The following SSBP3 variants were observed in gnomAD, a reference collection of about 807,000 sequenced individuals.
SSBP3 encodes single-stranded DNA-binding protein 3.
Under a neutral mutation model 69.6 loss-of-function variants are expected in SSBP3, and 5 were observed. The ratio of observed to expected loss-of-function variants is 0.07; its 90% CI spans 0.04 to 0.15. The LOEUF (loss-of-function observed/expected upper bound fraction) is 0.15. Ranked by LOEUF, SSBP3 falls within the 10% of genes least tolerant of loss-of-function variation. The probability of loss-of-function intolerance (pLI) is 1.00; values close to 1 mark genes in which losing one functional copy is unlikely to be tolerated. For synonymous variants in SSBP3, 196 were observed against 193.4 expected, an observed-to-expected ratio of 1.01 and a Z score of -0.11; for missense variants, 312 against 534.0, an observed-to-expected ratio of 0.58 and a Z score of 4.10.
At chr1:54,347,670 T>A (rs1430442868) in intron 4 of SSBP3, among the ~76,000 whole-genome samples, 2 of 152,188 alleles carry the variant, frequency 1.3e-5, no homozygotes, top group Admixed American at 6.5e-5. Flanking sequence ...ATGACTGGTA[T>A]CCATATGAAA....
Position 54,258,141 on chromosome 1 carries a change from C to G in SSBP3, c.375G>C (p.Pro125=), listed in dbSNP as rs561861532. The G allele has an allele frequency of 2.4e-4, 378 of 1,591,220 alleles. 1 individual carries two copies. The Admixed American group carries it at 2.5e-3, about 11-fold the overall frequency. ...GTGCGTGCGGCGAGGGCTGTGACCC[C>G]GGAGGACCCTGTGAGGCCAGACAGT... Residue 125 remains proline (P), a synonymous_variant, in exon 6 of 18, where the codon CCG becomes CCC. Transcript: ENST00000610401. The surrounding 1 kb of genome is among the most constrained non-coding windows in gnomAD (Gnocchi z 4.5).
intron 4 of SSBP3, among the ~76,000 whole-genome samples, chr1:54,398,563 T>C (rs562915083): frequency 2.0e-5 from 3 of 152,294 alleles, no homozygotes; most frequent in Admixed American, 1.3e-4. Context: ...CAGCTGAAAG[T>C]GTCCACTCTA....
chr1:54,371,496 C>T (rs944948647), intron 4 of SSBP3, among the ~76,000 whole-genome samples: 4 of 152,166 alleles, frequency 2.6e-5, no homozygotes, highest in African/African-American at 4.8e-5. Flanking sequence ...TACTGTGACA[C>T]GGGCACAGGA....
chr1:54,232,181 T>C (rs986699926), intron 14 of SSBP3, among the ~76,000 whole-genome samples: 9 of 152,104 alleles, frequency 5.9e-5, no homozygotes, highest in Non-Finnish European at 1.3e-4. Flanking sequence ...AATTAGGAGG[T>C]GGACTAGTTA....
intron 1 of SSBP3, among the ~76,000 whole-genome samples, 199 bp from the exon 2 acceptor site, chr1:54,405,129 C>T (rs969660070): frequency 6.6e-6 from 1 of 152,174 alleles, no homozygotes; most frequent in Admixed American, 6.5e-5. Context: ...GAACGCGTTA[C>T]CTCAAGCGGT....
intron 4 of SSBP3, among the ~76,000 whole-genome samples, chr1:54,284,462 T>TA (rs554362422): frequency 1.3e-4 from 19 of 149,736 alleles, no homozygotes; most frequent in East Asian, 9.7e-4. Flanking sequence ...AGTTATAATT[T>TA]AAAAAAAAAA....
intron 4 of SSBP3, among the ~76,000 whole-genome samples, chr1:54,350,723 C>A (rs1646768340): frequency 6.6e-6 from 1 of 152,168 alleles, no homozygotes; most frequent in African/African-American, 2.4e-5. Flanking sequence ...GCCCTGGGGG[C>A]AGCAGCAGCC....
chr1:54,269,564 G>C (rs917393072), intron 5 of SSBP3, among the ~76,000 whole-genome samples: 1 of 152,230 alleles, frequency 6.6e-6, no homozygotes, highest in Non-Finnish European at 1.5e-5. Flanking sequence ...AACTTAGCTA[G>C]ATACGCATGT....
At chr1:54,390,067 C>T (rs1391516718) in intron 4 of SSBP3, among the ~76,000 whole-genome samples, 2 of 152,074 alleles carry the variant, frequency 1.3e-5, no homozygotes, top group Non-Finnish European at 2.9e-5. Context: ...GCCTGGCATA[C>T]GGTTAGCACT....
upstream of SSBP3, among the ~76,000 whole-genome samples, chr1:54,409,134 C>A (rs1012544245): frequency 2.6e-5 from 4 of 152,188 alleles, no homozygotes; most frequent in Non-Finnish European, 5.9e-5. Context: ...TACCTTTCCC[C>A]TCTGGATCCC....
intron 4 of SSBP3, among the ~76,000 whole-genome samples, chr1:54,322,031 G>C (rs1413016163): frequency 6.6e-6 from 1 of 152,170 alleles, no homozygotes; most frequent in Non-Finnish European, 1.5e-5. Flanking sequence ...AAAATGAATA[G>C]GTCTACCAGA....
intron 4 of SSBP3, among the ~76,000 whole-genome samples, chr1:54,312,236 T>C (rs1646016308): frequency 1.3e-5 from 2 of 150,412 alleles, no homozygotes; most frequent in African/African-American, 4.9e-5. Flanking sequence ...TACAGTGAGA[T>C]ATGGATCGCA....
At chr1:54,275,816 T>C (rs758162100) in intron 5 of SSBP3, among the ~76,000 whole-genome samples, 6 of 152,152 alleles carry the variant, frequency 3.9e-5, no homozygotes, top group Non-Finnish European at 8.8e-5. Flanking sequence ...AGGTTCTCCG[T>C]AACAGAACTT....
intron 5 of SSBP3, among the ~76,000 whole-genome samples, chr1:54,272,131 T>C (rs1645203878): frequency 6.6e-6 from 1 of 152,146 alleles, no homozygotes; most frequent in Admixed American, 6.5e-5. Context: ...CCTAGGAGCT[T>C]CATGGATTCT....
At chr1:54,388,670 C>A (rs1451488342) in intron 4 of SSBP3, among the ~76,000 whole-genome samples, 1 of 152,166 alleles carries the variant, frequency 6.6e-6, no homozygotes, top group African/African-American at 2.4e-5. Flanking sequence ...GGGACCCCTG[C>A]CTTGGGATAT....
At chr1:54,268,320 G>A (rs955760749) in intron 5 of SSBP3, among the ~76,000 whole-genome samples, 3 of 152,152 alleles carry the variant, frequency 2.0e-5, no homozygotes, top group African/African-American at 7.2e-5. Flanking sequence ...GCCACCGCTC[G>A]CCAGCGCTCA....
chr1:54,270,625 G>C lies in SSBP3; in HGVS notation c.366+10813C>G, dbSNP rs545595341. 4.6e-5 allele frequency among the ~76,000 whole-genome samples: 7 copies of C among 152,302 alleles called. No homozygotes were observed. The South Asian group carries it at 8.3e-4, about 18-fold the overall frequency. The stretch of plus-strand genomic sequence containing the variant: ...CCCCTAAGACTCCCTCCTGGAAAGA[G>C]GAGAAACCCTGAGGCAGCTCTTGTT... On this transcript the variant is annotated intron_variant, in intron 5 of 17. Transcript: ENST00000610401.
chr1:54,239,154 A>G (rs1644558721), exon 14 of SSBP3: 1 of 1,614,040 alleles, frequency 6.2e-7, no homozygotes, highest in Admixed American at 1.7e-5. Context: ...TCCAGGCGGC[A>G]CTGGATTAAT....
At chr1:54,353,782 T>A (rs150521616) in intron 4 of SSBP3, among the ~76,000 whole-genome samples, 5 of 152,268 alleles carry the variant, frequency 3.3e-5, no homozygotes, top group African/African-American at 7.2e-5. Context: ...ACAAGCCAGA[T>A]AAACCCTAAA....
Sources: allele counts gnomAD v4.1 joint callset (sites outside exome capture counted in the v4.1 genomes callset), GRCh38; gene constraint gnomAD v4.1.1; non-coding constraint Gnocchi (gnomAD v3.1); transcripts MANE v1.5; gene names NCBI Gene and HGNC (gene_info 2026-07-23, HGNC 2026-07-21).